The following CEP120 variants were observed in gnomAD, a reference collection of about 807,000 sequenced individuals.
CEP120 encodes centrosomal protein 120, also known as centrosomal protein of 120 kDa.
Under a neutral mutation model 126.5 loss-of-function variants are expected in CEP120, and 113 were observed. That is an observed-to-expected ratio of 0.89 (90% CI 0.77 to 1.04). CEP120 has a LOEUF of 1.04. Among genes scored for constraint, CEP120 ranks in the 50% least tolerant of loss-of-function variants. CEP120 has a pLI of 0.00. For missense variants in CEP120, 1,230 were observed against 1,155.7 expected, an observed-to-expected ratio of 1.06 and a Z score of -0.93; for synonymous variants, 400 against 394.3, an observed-to-expected ratio of 1.01 and a Z score of -0.17.
Position 123,422,966 on chromosome 5 carries a change from G to C in CEP120, c.33C>G (p.Val11=). 1 of 1,614,148 alleles carries C rather than the reference G, an allele frequency of 6.2e-7. No individual in the cohort carries two copies. Among genetic ancestry groups the C allele is most frequent in the South Asian group, 1.1e-5 (1 of 91,084 alleles). MVSKSDQLLI[V]VSILEGRHFP... is the part of the protein sequence containing the mutation. ...GCTGCTCACCTTCTAGGATGGACAC[G>C]ACGATGAGCAATTGGTCGGATTTGG... The change falls in exon 1 of 20, where the codon GTC becomes GTG. Residue 11 remains valine, a synonymous_variant. Transcript: ENST00000306467.
chr5:123,384,685 G>C (rs1388281605), intron 11 of CEP120, among the ~76,000 whole-genome samples: 2 of 152,074 alleles, frequency 1.3e-5, no homozygotes, highest in Non-Finnish European at 2.9e-5. Context: ...AGAGAGGAAG[G>C]AAAATAATTA....
At chr5:123,359,841 C>T (rs1769939813) in intron 18 of CEP120, among the ~76,000 whole-genome samples, 1 of 151,888 alleles carries the variant, frequency 6.6e-6, no homozygotes, top group Non-Finnish European at 1.5e-5. Flanking sequence ...ATAGACTATC[C>T]TGGGTCACCT....
chr5:123,412,868 C>CA (rs1249782908), intron 3 of CEP120, among the ~76,000 whole-genome samples: 2 of 152,112 alleles, frequency 1.3e-5, no homozygotes, highest in African/African-American at 4.8e-5. Flanking sequence ...CCTTAAACAA[C>CA]AAAAAAACTA....
intron 18 of CEP120, among the ~76,000 whole-genome samples, chr5:123,353,453 C>T (rs949734769): frequency 9.2e-5 from 14 of 151,716 alleles, no homozygotes; most frequent in African/African-American, 3.1e-4. Context: ...TTTTAAAAGA[C>T]TGGCCAATTA....
At position 123,418,498 on chromosome 5, in the gene CEP120, G is replaced by A. The variant is rs377047700; in HGVS notation, c.67C>T (p.Arg23Cys). The A allele has an allele frequency of 3.1e-6, 5 of 1,602,248 alleles. No homozygotes were observed. Among genetic ancestry groups the A allele is most frequent in the Admixed American group, 1.7e-5 (1 of 58,810 alleles). The change falls in exon 2 of 20, where the codon CGT (arginine) becomes TGT (cysteine). Residue 23 changes from arginine (R) to cysteine (C), a missense_variant. Arg to Cys is a radical substitution (Grantham distance 180, BLOSUM62 -3). Coordinates refer to ENST00000306467, the MANE Select transcript of CEP120 (RefSeq NM_001375405.1). ...TCCACTACAAGCATATGCTTTGGAC[G>A]TTTGGGGAAATGCCGACCTGGAGAA... ...SILEGRHFPK[R>C]PKHMLVVEAK...
chr5:123,416,626 A>G, intron 2 of CEP120, among the ~76,000 whole-genome samples: 1 of 152,050 alleles, frequency 6.6e-6, no homozygotes, highest in Admixed American at 6.6e-5. Context: ...ACTATTAATT[A>G]TATCTACTAA....
At chr5:123,422,687 G>A in intron 1 of CEP120, 3 of 806,366 alleles carry the variant, frequency 3.7e-6, no homozygotes, top group Non-Finnish European at 6.0e-6. Context: ...GTGCTGCTTT[G>A]GATGAAAATC....
At chr5:123,371,469 A>G (rs576606731) in intron 17 of CEP120, among the ~76,000 whole-genome samples, 2 of 152,132 alleles carry the variant, frequency 1.3e-5, no homozygotes, top group South Asian at 2.1e-4. Flanking sequence ...CCATGTTTCA[A>G]TTATCTCCCA....
At position 123,388,570 on chromosome 5, in the gene CEP120, A is replaced by G; in HGVS notation, c.1292T>C (p.Val431Ala). ...SSVPASLAQL[V>A]TTSNASEVAS... ...TACTTCTGAAGCATTGGATGTAGTC[A>G]CTAGCTGGGCCAGTGAAGCAGGTAC... Residue 431 changes from valine to alanine, a missense_variant, in exon 9 of 20, where the codon GTG (valine) becomes GCG (alanine). Val to Ala is a moderately conservative substitution (Grantham distance 64). Transcript: ENST00000306467. 1 of 1,602,224 alleles carries G rather than the reference A, an allele frequency of 6.2e-7. No homozygotes were observed. The highest frequency in any genetic ancestry group is 8.5e-7 in the Non-Finnish European group (1 of 1,176,272).
chr5:123,393,310 G>C lies in CEP120; in HGVS notation c.800C>G (p.Ser267Cys). Residue 267 changes from serine (S) to cysteine (C), a missense_variant, in exon 6 of 20, where the codon TCT (serine) becomes TGT (cysteine). Physicochemically the swap from Ser to Cys is moderately radical, Grantham distance 112 (BLOSUM62 -1). Coordinates refer to ENST00000306467, the MANE Select transcript of CEP120 (RefSeq NM_001375405.1). ...EILRVYLALQSKLQIHLCCGD... is the reference protein window; with the variant it reads ...EILRVYLALQCKLQIHLCCGD... Reference sequence around the variant, plus strand: ...TGCTGCAATACTCACCTGCAGTTTAGACTGAAGAGCCAGGTAAACACGAAG... The same window carrying C: ...TGCTGCAATACTCACCTGCAGTTTACACTGAAGAGCCAGGTAAACACGAAG... 6.2e-7 allele frequency: 1 copy of C among 1,614,086 alleles called. No homozygotes were observed. Among genetic ancestry groups the C allele is most frequent in the East Asian group, 2.2e-5 (1 of 44,870 alleles).
rs184433622 is a variant in CEP120, at chr5:123,378,359, G to A, written c.2173C>T (p.Gln725Ter). The A allele has an allele frequency of 1.2e-6, 2 of 1,606,674 alleles. No homozygotes were observed. Among genetic ancestry groups the A allele is most frequent in the South Asian group, 1.1e-5 (1 of 90,166 alleles). The change falls in exon 15 of 20, where the codon CAG (glutamine) becomes TAG (stop). Residue 725 changes from glutamine to a stop codon, truncating the protein, a stop_gained. Transcript: ENST00000306467. LOFTEE classifies it high-confidence loss of function. ...ACCTCTGATTCCACACTAGCAAGCT[G>A]CTGCTCTCGCTTCTCCAAGTCAATT... The part of the protein sequence containing the change: ...TLIDLEKREQ[Q>*]LASVESELQR...
intron 14 of CEP120, among the ~76,000 whole-genome samples, chr5:123,379,632 T>C (rs1212325971): frequency 1.3e-5 from 2 of 152,084 alleles, no homozygotes; most frequent in Non-Finnish European, 2.9e-5. Flanking sequence ...CAGGAAGGCC[T>C]GGCTAAGAAA....
chr5:123,378,865 G>C (rs1771445322), intron 14 of CEP120, among the ~76,000 whole-genome samples: 1 of 151,998 alleles, frequency 6.6e-6, no homozygotes, highest in African/African-American at 2.4e-5. Flanking sequence ...AATGCCAAGA[G>C]AGTGAATGAC....
At chr5:123,370,258 C>A (rs568506303) in intron 17 of CEP120, among the ~76,000 whole-genome samples, 1 of 151,930 alleles carries the variant, frequency 6.6e-6, no homozygotes, top group Non-Finnish European at 1.5e-5. Context: ...TATTCCACAG[C>A]CTACTATCAG....
At chr5:123,418,683 G>A (rs912002086) in intron 1 of CEP120, among the ~76,000 whole-genome samples, 168 bp from the exon 2 acceptor site, 1 of 150,176 alleles carries the variant, frequency 6.7e-6, no homozygotes, top group East Asian at 2.0e-4. Flanking sequence ...TGCAACCTCC[G>A]CCTCCCAGGT....
In CEP120 at chr5:123,350,108, A is replaced by C. The variant is rs1431357509; in HGVS notation, c.2581-19T>G. The C allele has an allele frequency of 1.3e-6, 2 of 1,597,742 alleles. No individual in the cohort carries two copies. Among genetic ancestry groups the C allele is most frequent in the Non-Finnish European group, 1.7e-6 (2 of 1,172,690 alleles). ...GCTCCCTCTTGAAAGAAACAAAGAA[A>C]CAAGTCATATCCTTAATATTAGGAA... On this transcript the variant is annotated intron_variant, in intron 18 of 19. Coordinates refer to ENST00000306467, the MANE Select transcript of CEP120 (RefSeq NM_001375405.1).
rs1482499097 is a variant in CEP120, at chr5:123,409,990, A to ACCC, written c.463+2408_463+2409insGGG. On this transcript the variant is annotated intron_variant, in intron 4 of 19. Coordinates refer to ENST00000306467, the MANE Select transcript of CEP120 (RefSeq NM_001375405.1). The stretch of plus-strand genomic sequence containing the variant: ...AACAAGCAAAAAAAAAAAAAAAAAA[A>ACCC]ACCACACACACACACACACACACAC... Among the ~76,000 whole-genome samples, 8 of 99,660 alleles carry ACCC rather than the reference A, an allele frequency of 8.0e-5. No individual in the cohort carries two copies. In the East Asian group the frequency reaches 2.6e-3, roughly 32 times the overall value. The allele number at this position is 99,660 out of a possible 152,430, so 65.4% of individuals were successfully genotyped here.
intron 2 of CEP120, 27 bp downstream of exon 2, chr5:123,418,332 A>C (rs745484933): frequency 6.6e-6 from 10 of 1,516,810 alleles, no homozygotes; most frequent in Non-Finnish European, 8.9e-6. Context: ...AAACCAATAA[A>C]GAAGCTAAAA....
rs569328065 is a variant in CEP120 at position 123,397,498 on chromosome 5, TAAC to T, written c.612+1635_612+1637del. Among the ~76,000 whole-genome samples, 378 of 152,252 alleles carry T rather than the reference TAAC, an allele frequency of 2.5e-3. 4 individuals are homozygous for T. Among genetic ancestry groups the T allele is most frequent in the African/African-American group, 8.7e-3 (361 of 41,552 alleles). ...CAACTAGAGTGGCATATTAAACTAT[TAAC>T]AATCCATAAGCAGACCTTTAAGAGA... On this transcript the variant is annotated intron_variant, in intron 5 of 19. Coordinates refer to ENST00000306467, the MANE Select transcript of CEP120 (RefSeq NM_001375405.1).
Sources: allele counts gnomAD v4.1 joint callset (sites outside exome capture counted in the v4.1 genomes callset), GRCh38; gene constraint gnomAD v4.1.1; transcripts MANE v1.5; gene names NCBI Gene and HGNC (gene_info 2026-07-23, HGNC 2026-07-21).